Variants in PASK observed in about 807,000 individuals in gnomAD.
PASK encodes PAS domain-containing serine/threonine-protein kinase.
A neutral mutation model predicts 121.0 loss-of-function variants in PASK; 110 were observed. The ratio of observed to expected loss-of-function variants is 0.91; its 90% CI spans 0.78 to 1.06. PASK has a LOEUF of 1.06. Ranked by LOEUF, PASK falls within the 50% of genes least tolerant of loss-of-function variation. The pLI, the probability that PASK is intolerant of heterozygous loss-of-function variation, is 0.00. For missense variants in PASK, 1,643 were observed against 1,702.3 expected, an observed-to-expected ratio of 0.97 and a Z score of 0.61; for synonymous variants, 686 against 717.8, an observed-to-expected ratio of 0.96 and a Z score of 0.71.
intron 9 of PASK, among the ~76,000 whole-genome samples, chr2:241,131,548 A>C (rs773943079): frequency 1.6e-4 from 24 of 152,344 alleles, no homozygotes; most frequent in African/African-American, 3.8e-4. Flanking sequence ...ATGTGGATAA[A>C]TATCACAGAC....
intron 12 of PASK, among the ~76,000 whole-genome samples, chr2:241,116,979 G>A (rs1158223425): frequency 6.6e-6 from 1 of 152,250 alleles, no homozygotes; most frequent in East Asian, 1.9e-4. Context: ...TCCCGGGAAG[G>A]CAGCTTCTGA....
At chr2:241,118,806 A>G in intron 12 of PASK, 2 of 499,220 alleles carry the variant, frequency 4.0e-6, no homozygotes, top group Non-Finnish European at 5.8e-6. Flanking sequence ...GGAACAGGCC[A>G]GCGTGTACAC....
chr2:241,150,205 C>G (rs973868119), upstream of PASK: 6 of 1,275,414 alleles, frequency 4.7e-6, no homozygotes, highest in Non-Finnish European at 5.9e-6. Context: ...CTCCGTCTGC[C>G]TGCAGCTACG....
intron 1 of PASK, among the ~76,000 whole-genome samples, chr2:241,144,083 T>TGTGTGTGTGTGTGGGTGTGC (rs1296299318): frequency 1.3e-5 from 2 of 151,756 alleles, no homozygotes; most frequent in African/African-American, 4.8e-5. Context: ...TACCTGCAGG[T>TGTGTGTGTGTGTGGGTGTGC]GTGTGTGTGT....
chr2:241,136,082 C>T (rs1386198405), intron 7 of PASK, 43 bp from the exon 8 acceptor site: 6 of 1,535,124 alleles, frequency 3.9e-6, no homozygotes, highest in South Asian at 3.4e-5. Flanking sequence ...GGAGGATCCA[C>T]GCTGACCCAC....
chr2:241,135,855 G>C lies in PASK; in HGVS notation c.1306+16C>G, dbSNP rs776486248. The C allele has an allele frequency of 6.2e-7, 1 of 1,612,242 alleles. No individual in the cohort carries two copies. The highest frequency in any genetic ancestry group is 1.1e-5 in the South Asian group (1 of 91,038). On this transcript the variant is annotated intron_variant, in intron 8 of 17. Transcript: ENST00000234040. ...CAGCAGCTACAGGCGCATTCAGGAG[G>C]AAGAGGACGTCTTACCCTGGCCCCC... is the stretch of plus-strand genomic sequence containing the variant.
At chr2:241,110,958 A>C (rs2065087221) in intron 15 of PASK, among the ~76,000 whole-genome samples, 1 of 152,226 alleles carries the variant, frequency 6.6e-6, no homozygotes, top group Admixed American at 6.5e-5. Context: ...CATACTCTGC[A>C]CACAGGGCAT....
chr2:241,110,768 C>G (rs1013967370), intron 15 of PASK, among the ~76,000 whole-genome samples: 5 of 152,142 alleles, frequency 3.3e-5, no homozygotes, highest in African/African-American at 1.2e-4. Context: ...GAGGGCACGA[C>G]AACCACTGCA....
At chr2:241,117,183 C>T (rs2065411966) in intron 12 of PASK, among the ~76,000 whole-genome samples, 2 of 152,078 alleles carry the variant, frequency 1.3e-5, no homozygotes, top group South Asian at 4.2e-4. Flanking sequence ...GGCCTCTCAC[C>T]GTCATCAGGA....
chr2:241,114,369 T>C, intron 14 of PASK: 5 of 985,584 alleles, frequency 5.1e-6, no homozygotes, highest in Non-Finnish European at 6.0e-6. Context: ...CAAATGTGAG[T>C]TGTCTACACA....
chr2:241,143,444 G>A (rs572849907), intron 1 of PASK, among the ~76,000 whole-genome samples: 3 of 152,146 alleles, frequency 2.0e-5, no homozygotes, highest in East Asian at 1.9e-4. Context: ...CCAGCTACTC[G>A]GGAGGCTGAG....
intron 12 of PASK, among the ~76,000 whole-genome samples, chr2:241,116,911 G>T (rs2065397182): frequency 6.6e-6 from 1 of 152,186 alleles, no homozygotes; most frequent in Admixed American, 6.5e-5. Flanking sequence ...AAAAAAAGAT[G>T]GGGCAGGAAG....
intron 7 of PASK, 24 bp downstream of exon 7, chr2:241,136,980 G>C: frequency 6.2e-7 from 1 of 1,609,362 alleles, no homozygotes; most frequent in Admixed American, 1.7e-5. Flanking sequence ...GGGAACGGGA[G>C]CCAGGCGCCC....
intron 9 of PASK, among the ~76,000 whole-genome samples, chr2:241,132,052 C>CAAAAA (rs36063946): frequency 2.4e-5 from 2 of 83,744 alleles, no homozygotes; most frequent in Non-Finnish European, 4.5e-5. Flanking sequence ...GACTCCATCT[C>CAAAAA]AAAAAAAAAA....
At chr2:241,127,488 C>T in intron 9 of PASK, 37 bp from the exon 10 acceptor site, 3 of 1,507,552 alleles carry the variant, frequency 2.0e-6, no homozygotes, top group Admixed American at 3.3e-5. Flanking sequence ...CATGTAGGGC[C>T]ACAGATGAGT....
At chr2:241,136,695 A>T (rs1488990595) in intron 7 of PASK, among the ~76,000 whole-genome samples, 1 of 152,218 alleles carries the variant, frequency 6.6e-6, no homozygotes, top group Non-Finnish European at 1.5e-5. Flanking sequence ...TAGTATTTCT[A>T]CTAGGGTGAG....
intron 1 of PASK, 117 bp from the exon 2 acceptor site, chr2:241,143,191 G>GCCATCCTGGGTCAGAAC: frequency 1.5e-6 from 1 of 681,070 alleles, no homozygotes; most frequent in East Asian, 2.7e-5. Context: ...ACCACCAACC[G>GCCATCCTGGGTCAGAAC]CCATCCTGGG....
At chr2:241,109,505 G>C (rs760861248) in intron 15 of PASK, 2 of 147,514 alleles carry the variant, frequency 1.4e-5, no homozygotes, top group Non-Finnish European at 3.0e-5. Context: ...GGCACGGACA[G>C]AGCCCCGGGC....
chr2:241,140,656 C>T lies in PASK; in HGVS notation c.294G>A (p.Pro98=), dbSNP rs779917706. 23 of 1,613,952 alleles carry T rather than the reference C, an allele frequency of 1.4e-5. No individual in the cohort carries two copies. The Admixed American group carries it at 1.7e-4, about 12-fold the overall frequency. ...HCPAAPEHTD[P]SEPRGSVSCC... ...AGGACACACTGCCCCGCGGTTCGGA[C>T]GGGTCCGTGTGCTCAGGGGCAGCAG... The change falls in exon 3 of 18, where the codon CCG becomes CCA. Residue 98 remains proline (P), a synonymous_variant. Transcript: ENST00000234040.
Sources: gnomAD v4.1 joint callset for allele counts (sites outside exome capture counted in the v4.1 genomes callset) on GRCh38, gnomAD v4.1.1 for gene constraint, MANE v1.5 for transcripts, NCBI Gene and HGNC (gene_info 2026-07-23, HGNC 2026-07-21) for gene names.